Variants in CDK12 observed in about 807,000 individuals in gnomAD.
The protein encoded by CDK12 is cyclin-dependent kinase 12.
A neutral mutation model predicts 133.8 loss-of-function variants in CDK12; 17 were observed. The observed-to-expected ratio is 0.13, with a 90% CI of 0.09 to 0.19. CDK12 has a LOEUF of 0.19. CDK12 is among the 10% of genes least tolerant of loss of function. CDK12 has a pLI of 1.00. For missense variants in CDK12, 1,508 were observed against 1,818.7 expected (o/e 0.83, Z 3.11); for synonymous variants, 694 against 683.6 (o/e 1.02, Z -0.24).
intron 11 of CDK12, 95 bp from the exon 12 acceptor site, chr17:39,524,579 C>A: frequency 1.9e-6 from 2 of 1,075,528 alleles, no homozygotes; most frequent in South Asian, 1.5e-5. Flanking sequence ...TTACATTTCC[C>A]ACAGTCTTTG....
Position 39,533,154 on chromosome 17 carries a change from G to C in CDK12, c.*1838G>C. 4.3e-6 allele frequency: 1 copy of C among 232,462 alleles called. No homozygotes were observed. The highest frequency in any genetic ancestry group is 8.5e-6 in the Non-Finnish European group (1 of 117,688). 14.4% of individuals were successfully genotyped at this position (232,462 alleles called of 1,614,324 possible). The stretch of plus-strand genomic sequence containing the variant: ...GAAGACTGTTTTCCCCTGTTAATGA[G>C]ATATAGCTAGATATCGGTGTGTGTA... On this transcript the variant is annotated 3_prime_UTR_variant, in exon 14 of 14. Transcript: ENST00000447079.
chr17:39,534,592 A>G (rs2055047264), downstream of CDK12: 2 of 225,876 alleles, frequency 8.9e-6, no homozygotes, highest in Admixed American at 5.7e-5. Context: ...CCCCCTGAGC[A>G]TATCTAATCA....
At chr17:39,492,132 T>C (rs1191614224) in intron 3 of CDK12, among the ~76,000 whole-genome samples, 1 of 149,958 alleles carries the variant, frequency 6.7e-6, no homozygotes, top group Non-Finnish European at 1.5e-5. Flanking sequence ...AGTCTCGCTC[T>C]GCTGCCCAGG....
chr17:39,467,518 G>T (rs577387309), intron 1 of CDK12, among the ~76,000 whole-genome samples: 2 of 152,224 alleles, frequency 1.3e-5, no homozygotes, highest in South Asian at 4.2e-4. Flanking sequence ...CTTAAATGTA[G>T]CATTTGTATC....
At chr17:39,567,031 C>G (rs889200469), downstream of CDK12, 1 of 152,310 alleles carries the variant, frequency 6.6e-6, no homozygotes, top group Admixed American at 6.5e-5. Flanking sequence ...TCTAAGGTCC[C>G]TGGAGGGAGG....
intron 8 of CDK12, among the ~76,000 whole-genome samples, chr17:39,513,769 TTTTG>T (rs2053629462): frequency 6.6e-6 from 1 of 152,156 alleles, no homozygotes; most frequent in African/African-American, 2.4e-5. Flanking sequence ...TGAATTAAGA[TTTTG>T]TTTGAGTTTT....
chr17:39,485,836 A>G (rs966649952), intron 2 of CDK12, among the ~76,000 whole-genome samples: 2 of 152,050 alleles, frequency 1.3e-5, no homozygotes, highest in Non-Finnish European at 2.9e-5. Flanking sequence ...TTGCACCACT[A>G]CAGTCCAGCT....
Position 39,524,685 on chromosome 17 carries a change from G to T in CDK12, c.3107G>T (p.Trp1036Leu). Reference sequence around the variant, plus strand: ...TTGTCTTTTTCCAGCCTCCCCCACTGGCAGGATTGCCATGAGTTGTGGAGT... The same window carrying T: ...TTGTCTTTTTCCAGCCTCCCCCACTTGCAGGATTGCCATGAGTTGTGGAGT... Reference protein sequence around the residue: ...SKMAPPDLPHWQDCHELWSKK... With the variant: ...SKMAPPDLPHLQDCHELWSKK... The change falls in exon 12 of 14, where the codon TGG (tryptophan) becomes TTG (leucine). Residue 1036 changes from tryptophan to leucine, a missense_variant. This residue lies in a region of CDK12 where 399 missense variants were observed against 469.6 expected (regional missense o/e 0.85). Transcript: ENST00000447079. 1 of 1,614,034 alleles carries T rather than the reference G, an allele frequency of 6.2e-7. No individual in the cohort carries two copies. Among genetic ancestry groups the T allele is most frequent in the Non-Finnish European group, 8.5e-7 (1 of 1,179,962 alleles).
At position 39,471,319 on chromosome 17, in the gene CDK12, A is replaced by G. The variant is rs1331683180; in HGVS notation, c.1487A>G (p.Lys496Arg). The change falls in exon 2 of 14, where the codon AAA becomes AGA. Residue 496 changes from lysine (K) to arginine (R), a missense_variant. Lys to Arg is a conservative substitution (Grantham distance 26). Transcript: ENST00000447079. ...GAGAAGCATCTTGTTAAAGATTTGA[A>G]AGCACAGGGAACAAGAGACTCTAAA... is the stretch of plus-strand genomic sequence containing the variant. ...NSEKHLVKDL[K>R]AQGTRDSKPI... 1 of 1,613,776 alleles carries G rather than the reference A, an allele frequency of 6.2e-7. No homozygotes were observed. Among genetic ancestry groups the G allele is most frequent in the African/African-American group, 1.3e-5 (1 of 74,916 alleles).
At position 39,499,210 on chromosome 17, in the gene CDK12, T is replaced by TC. The variant is rs1212723717; in HGVS notation, c.2420-2040_2420-2039insC. On this transcript the variant is annotated intron_variant, in intron 5 of 13. Transcript: ENST00000447079. ...TTCTTTCTTTCTTTCTTTCTTTCCTTTTTTTTTTTTTTTTGAGACAGAGTC... is the reference window on the plus strand; with the variant it reads ...TTCTTTCTTTCTTTCTTTCTTTCCTTCTTTTTTTTTTTTTTGAGACAGAGTC... Among the ~76,000 whole-genome samples, 6 of 89,876 alleles carry TC rather than the reference T, an allele frequency of 6.7e-5. 1 individual carries two copies. The highest frequency in any genetic ancestry group is 3.7e-4 in the East Asian group (1 of 2,668). The allele number at this position is 89,876 out of a possible 152,430, so 59.0% of individuals were successfully genotyped here. A position where few individuals can be genotyped will look rare whatever the true frequency, so the allele number is the denominator to read the frequency against.
chr17:39,463,000 C>T lies in CDK12; in HGVS notation c.929C>T (p.Ser310Leu), dbSNP rs964263389. Residue 310 changes from serine to leucine, a missense_variant, in exon 1 of 14, where the codon TCG (serine) becomes TTG (leucine). Physicochemically the swap from Ser to Leu is moderately radical, Grantham distance 145. Coordinates refer to ENST00000447079, the MANE Select transcript of CDK12 (RefSeq NM_016507.4). ...RSVSPYSRRR[S>L]SSYERSGSYS... ...GTCAGTCCCTATAGCAGGAGACGGT[C>T]GTCCAGCTACGAAAGAAGTGGCTCT... is the stretch of plus-strand genomic sequence containing the variant. 2.5e-6 allele frequency: 4 copies of T among 1,614,018 alleles called. No individual in the cohort carries two copies. Among genetic ancestry groups the T allele is most frequent in the African/African-American group, 1.3e-5 (1 of 74,936 alleles).
intron 3 of CDK12, among the ~76,000 whole-genome samples, chr17:39,557,477 CCTT>C (rs1340015042): frequency 2.0e-5 from 3 of 152,162 alleles, no homozygotes; most frequent in African/African-American, 7.2e-5. Context: ...AAGAAAAACT[CCTT>C]CTGTCCTCTC....
intron 3 of CDK12, among the ~76,000 whole-genome samples, chr17:39,557,421 T>G (rs937759791): frequency 6.6e-6 from 1 of 152,130 alleles, no homozygotes; most frequent in African/African-American, 2.4e-5. Flanking sequence ...TCCAAGAGAC[T>G]GAGAAGATGG....
rs879840168 is a variant in CDK12, at chr17:39,476,711, CTTTTTTTTTTTTTT to C, written c.1931+4964_1931+4977del. Among the ~76,000 whole-genome samples the C allele has an allele frequency of 3.1e-4, 26 of 84,530 alleles. 3 individuals carry two copies. The highest frequency in any genetic ancestry group is 1.5e-3 in the East Asian group (4 of 2,660). The allele number at this position is 84,530 out of a possible 152,430, so 55.5% of individuals were successfully genotyped here. ...TACAGGCATGAGCCACCATGCCTGC[CTTTTTTTTTTTTTT>C]TTTTTTTTTTTTTTTGAGACAGAGT... On this transcript the variant is annotated intron_variant, in intron 2 of 13. Coordinates refer to ENST00000447079, the MANE Select transcript of CDK12 (RefSeq NM_016507.4).
chr17:39,534,657 CATT>C (rs2055050189), downstream of CDK12: 1 of 204,974 alleles, frequency 4.9e-6, no homozygotes, highest in Non-Finnish European at 1.0e-5. Context: ...GTCTCAGAAT[CATT>C]ATAGACTCAT....
At chr17:39,489,222 A>G (rs953676412) in intron 2 of CDK12, among the ~76,000 whole-genome samples, 3 of 151,734 alleles carry the variant, frequency 2.0e-5, no homozygotes, top group African/African-American at 7.3e-5. Context: ...CTGGGAGTAC[A>G]GGTGCACCCA....
In CDK12 at chr17:39,532,123, TCTCTC is replaced by T. The variant is rs2054897308; in HGVS notation, c.*808_*812del. The T allele has an allele frequency of 3.2e-5, 7 of 220,798 alleles. No homozygotes were observed. The highest frequency in any genetic ancestry group is 1.6e-4 in the African/African-American group (7 of 44,100). The allele number at this position is 220,798 out of a possible 1,614,324, so 13.7% of individuals were successfully genotyped here. A position where few individuals can be genotyped will look rare whatever the true frequency, so the allele number is the denominator to read the frequency against. On this transcript the variant is annotated 3_prime_UTR_variant, in exon 14 of 14. Transcript: ENST00000447079. The stretch of plus-strand genomic sequence containing the variant: ...CTCTTTCTCTCTCTCTCTCTCTCTC[TCTCTC>T]TCTCTCTCTCTCTCTGTCTCGCTTG...
intron 4 of CDK12, among the ~76,000 whole-genome samples, chr17:39,493,930 A>C (rs966316497): frequency 2.0e-5 from 3 of 152,070 alleles, no homozygotes; most frequent in African/African-American, 4.8e-5. Context: ...TAGTAGGCGG[A>C]GGTTGCAATG....
At chr17:39,518,458 G>A (rs977230715) in intron 10 of CDK12, among the ~76,000 whole-genome samples, 1 of 151,886 alleles carries the variant, frequency 6.6e-6, no homozygotes, top group Non-Finnish European at 1.5e-5. Flanking sequence ...GAGAGGCTGA[G>A]GCAGGAAGAT....
Sources: allele counts gnomAD v4.1 joint callset (sites outside exome capture counted in the v4.1 genomes callset), GRCh38; gene constraint gnomAD v4.1.1; regional missense constraint gnomAD v4.1.1; transcripts MANE v1.5; gene names NCBI Gene and HGNC (gene_info 2026-07-23, HGNC 2026-07-21).